The following ZNF665 variants were observed in gnomAD, a reference collection of about 807,000 sequenced individuals.
ZNF665 encodes the protein zinc finger protein 665.
ZNF665 carries 6 observed loss-of-function variants against 7.9 expected under a neutral mutation model. The observed-to-expected ratio is 0.76, with a 90% CI of 0.42 to 1.50. The LOEUF (loss-of-function observed/expected upper bound fraction) is 1.50. Among genes scored for constraint, ZNF665 ranks in the 40% most tolerant of loss-of-function variants. The pLI is 0.01. For missense variants in ZNF665, 819 were observed against 806.7 expected (o/e 1.02, Z -0.18); for synonymous variants, 242 against 274.5 (o/e 0.88, Z 1.17).
Position 53,165,867 on chromosome 19 carries a change from C to T in ZNF665, c.623G>A (p.Cys208Tyr), listed in dbSNP as rs2090609347. ...AGTAAAGGCTTTGCCACACTTATTACACTGGTAAGGCTTCTCTCCAGTATG... is the reference window on the plus strand; with the variant it reads ...AGTAAAGGCTTTGCCACACTTATTATACTGGTAAGGCTTCTCTCCAGTATG... Reference protein sequence around the residue: ...RIHTGEKPYQCNKCGKAFTVR... With the variant: ...RIHTGEKPYQYNKCGKAFTVR... Residue 208 changes from cysteine (C) to tyrosine (Y), a missense_variant, in exon 4 of 4, where the codon TGT becomes TAT. By Grantham distance (194) the Cys-to-Tyr change is radical (BLOSUM62 -2). Transcript: ENST00000396424. 1.9e-6 allele frequency: 3 copies of T among 1,614,080 alleles called. No homozygotes were observed. The African/African-American group carries it at 4.0e-5, about 22-fold the overall frequency.
chr19:53,169,331 G>A (rs2090640340), intron 3 of ZNF665, among the ~76,000 whole-genome samples: 1 of 151,970 alleles, frequency 6.6e-6, no homozygotes, highest in South Asian at 2.1e-4. Context: ...CAACATCATA[G>A]TCATTAGGAA....
At chr19:53,171,524 A>ATATATATATT (rs372855271) in intron 3 of ZNF665, among the ~76,000 whole-genome samples, 2,751 of 69,212 alleles carry the variant, frequency 0.04, 117 homozygotes, top group East Asian at 0.052. Flanking sequence ...ATATATATAT[A>ATATATATATT]TTTTTTTTTT....
intron 2 of ZNF665, chr19:53,181,207 C>T (rs973154773): frequency 7.2e-5 from 11 of 152,036 alleles, no homozygotes; most frequent in Non-Finnish European, 1.5e-4. Context: ...ATTGCTTGAG[C>T]TCAGGAATTC....
intron 1 of ZNF665, among the ~76,000 whole-genome samples, chr19:53,192,848 C>G (rs1245082227): frequency 6.6e-6 from 1 of 151,914 alleles, no homozygotes; most frequent in African/African-American, 2.4e-5. Context: ...CAGCAGGGCC[C>G]GGCACGAGGA....
intron 1 of ZNF665, among the ~76,000 whole-genome samples, chr19:53,192,853 C>A (rs1449907345): frequency 1.3e-5 from 2 of 151,754 alleles, no homozygotes; most frequent in Non-Finnish European, 2.9e-5. Flanking sequence ...GGGCCCGGCA[C>A]GAGGAGGAGG....
At chr19:53,172,172 C>A (rs1202372477) in intron 3 of ZNF665, among the ~76,000 whole-genome samples, 1 of 152,028 alleles carries the variant, frequency 6.6e-6, no homozygotes, top group African/African-American at 2.4e-5. Flanking sequence ...TCTGCTTTTT[C>A]AAATTGTTGG....
chr19:53,180,949 G>A (rs891093422), intron 2 of ZNF665: 5 of 151,990 alleles, frequency 3.3e-5, no homozygotes, highest in African/African-American at 1.2e-4. Flanking sequence ...TATCATACAT[G>A]AATAGATTTC....
chr19:53,180,837 A>T lies in ZNF665; in HGVS notation c.15+2047T>A, dbSNP rs746268678. On this transcript the variant is annotated intron_variant, in intron 2 of 3. Transcript: ENST00000396424. ...TACAAATATTAAAAGTACAGATACC[A>T]TTTTTTTCCAGTTAAATTTAGATAT... 3.9e-5 allele frequency: 6 copies of T among 152,106 alleles called. No homozygotes were observed. The South Asian group carries it at 1.2e-3, about 31-fold the overall frequency. The allele number at this position is 152,106 out of a possible 1,614,324, so 9.4% of individuals were successfully genotyped here.
chr19:53,182,581 T>C (rs1054119118), intron 2 of ZNF665: 7 of 715,536 alleles, frequency 9.8e-6, no homozygotes, highest in Middle Eastern at 7.2e-4. Flanking sequence ...TATTCAAATA[T>C]GTCCTGAACA....
Position 53,175,461 on chromosome 19 carries a change from C to T in ZNF665, c.126G>A (p.Arg42=), listed in dbSNP as rs372741529. ...LYRDVMLENY[R]NLVSLDISCK... ...CATCCTCACCCAGGGAGACCAGGTT[C>T]CTATAATTCTCCAACATGACGTCCC... Residue 42 remains arginine, a synonymous_variant, in exon 3 of 4, where the codon AGG becomes AGA. Coordinates refer to ENST00000396424, the MANE Select transcript of ZNF665 (RefSeq NM_024733.5). The T allele has an allele frequency of 8.1e-5, 130 of 1,611,790 alleles. No homozygotes were observed. Among genetic ancestry groups the T allele is most frequent in the Non-Finnish European group, 1.0e-4 (121 of 1,179,270 alleles).
In ZNF665 at chr19:53,165,772, C is replaced by T. The variant is rs1279434005; in HGVS notation, c.718G>A (p.Gly240Arg). The T allele has an allele frequency of 6.2e-7, 1 of 1,614,136 alleles. No homozygotes were observed. ...GEKPYKCNEC[G>R]KVFSQPSNLA... ...TTTGAAGGTTGACTGAAGACCTTTC[C>T]ACATTCATTACATTTGTAAGGTTTT... is the stretch of plus-strand genomic sequence containing the variant. The change falls in exon 4 of 4, where the codon GGA becomes AGA. Residue 240 changes from glycine (G) to arginine (R), a missense_variant. Gly to Arg is a moderately radical substitution (Grantham distance 125, BLOSUM62 -2). Coordinates refer to ENST00000396424, the MANE Select transcript of ZNF665 (RefSeq NM_024733.5).
intron 1 of ZNF665, among the ~76,000 whole-genome samples, chr19:53,192,279 C>A (rs1405675729): frequency 6.6e-6 from 1 of 152,102 alleles, no homozygotes; most frequent in South Asian, 2.1e-4. Context: ...TCTTTGGCAC[C>A]CCCAGATCCC....
chr19:53,183,009 T>C lies in ZNF665; in HGVS notation c.-45-66A>G. On this transcript the variant is annotated intron_variant, in intron 1 of 3. Coordinates refer to ENST00000396424, the MANE Select transcript of ZNF665 (RefSeq NM_024733.5). ...TGTCAAAAATACGCTGTTTGTTGGT[T>C]AGAATCAACACACCCCCTCCCTGGG... 6 of 1,504,350 alleles carry C rather than the reference T, an allele frequency of 4.0e-6. No homozygotes were observed. The South Asian group carries it at 5.6e-5, about 14-fold the overall frequency. The allele number at this position is 1,504,350 out of a possible 1,614,324, so 93.2% of individuals were successfully genotyped here. A position where few individuals can be genotyped will look rare whatever the true frequency, so the allele number is the denominator to read the frequency against.
In ZNF665 at chr19:53,182,933, C is replaced by T. The variant is rs1012248290; in HGVS notation, c.-35G>A. 3.7e-6 allele frequency: 6 copies of T among 1,606,812 alleles called. No homozygotes were observed. Among genetic ancestry groups the T allele is most frequent in the Admixed American group, 1.7e-5 (1 of 59,922 alleles). The stretch of plus-strand genomic sequence containing the variant: ...CTTTGCCTTCCTCTTCCTCTTCTTC[C>T]AGGGTTCTACCTTGGGTAACATGAA... On this transcript the variant is annotated 5_prime_UTR_variant, in exon 2 of 4. Coordinates refer to ENST00000396424, the MANE Select transcript of ZNF665 (RefSeq NM_024733.5).
rs181851058 is a variant in ZNF665, at chr19:53,168,635, C to A, written c.143-2288G>T. ...TCATAGGAAAATGGAAAGGATCTAG[C>A]ATAATTAAAACAATTTTGATAAAGA... On this transcript the variant is annotated intron_variant, in intron 3 of 3. Coordinates refer to ENST00000396424, the MANE Select transcript of ZNF665 (RefSeq NM_024733.5). Among the ~76,000 whole-genome samples, 33 of 152,168 alleles carry A rather than the reference C, an allele frequency of 2.2e-4. 1 individual carries two copies. In the East Asian group the frequency reaches 4.8e-3, roughly 22 times the overall value.
Position 53,165,699 on chromosome 19 carries a change from C to T in ZNF665, c.791G>A (p.Cys264Tyr), listed in dbSNP as rs1272421567. 2.5e-6 allele frequency: 4 copies of T among 1,614,072 alleles called. No homozygotes were observed. The highest frequency in any genetic ancestry group is 1.3e-5 in the African/African-American group (1 of 74,930). ...TCTAAAGGCTTTGCCACACTCATTA[C>T]ACTTGTAAGGTTTCTCTCCAGTATG... is the stretch of plus-strand genomic sequence containing the variant. The part of the protein sequence containing the change: ...RIHTGEKPYK[C>Y]NECGKAFRAH... The change falls in exon 4 of 4, where the codon TGT (cysteine) becomes TAT (tyrosine). Residue 264 changes from cysteine to tyrosine, a missense_variant. Cys to Tyr is a radical substitution (Grantham distance 194, BLOSUM62 -2). Coordinates refer to ENST00000396424, the MANE Select transcript of ZNF665 (RefSeq NM_024733.5).
chr19:53,188,959 A>G (rs1380591266), intron 1 of ZNF665, among the ~76,000 whole-genome samples: 3 of 151,966 alleles, frequency 2.0e-5, no homozygotes, highest in African/African-American at 7.2e-5. Flanking sequence ...CAGCCTCCCA[A>G]AGTGCTGGGA....
Position 53,164,426 on chromosome 19 carries a change from C to A in ZNF665, c.*27G>T. On this transcript the variant is annotated 3_prime_UTR_variant, in exon 4 of 4. Coordinates refer to ENST00000396424, the MANE Select transcript of ZNF665 (RefSeq NM_024733.5). ...GTGCTGGGATTACAGGCGTGAGCCA[C>A]CACGCCCGGCGTCCTTTGTAAGGTT... 6.6e-7 allele frequency: 1 copy of A among 1,513,462 alleles called. No homozygotes were observed. The highest frequency in any genetic ancestry group is 1.8e-4 in the Middle Eastern group (1 of 5,522). 93.8% of individuals were successfully genotyped at this position (1,513,462 alleles called of 1,614,324 possible).
At chr19:53,166,930 C>T (rs1401996156) in intron 3 of ZNF665, among the ~76,000 whole-genome samples, 1 of 152,032 alleles carries the variant, frequency 6.6e-6, no homozygotes, top group East Asian at 1.9e-4. Flanking sequence ...AACTACATAC[C>T]CCTATATACC....
Sources: gnomAD v4.1 joint callset for allele counts (sites outside exome capture counted in the v4.1 genomes callset) on GRCh38, gnomAD v4.1.1 for gene constraint, MANE v1.5 for transcripts, NCBI Gene and HGNC (gene_info 2026-07-23, HGNC 2026-07-21) for gene names.